The following PRR12 variants were observed in gnomAD, a reference collection of about 807,000 sequenced individuals.
The protein encoded by PRR12 is proline-rich protein 12.
Under a neutral mutation model 138.0 loss-of-function variants are expected in PRR12, and 12 were observed. The observed-to-expected ratio is 0.09, with a 90% CI of 0.06 to 0.14. The LOEUF (loss-of-function observed/expected upper bound fraction) is 0.14. Ranked by LOEUF, PRR12 falls within the 10% of genes least tolerant of loss-of-function variation. The pLI is 1.00. For synonymous variants in PRR12, 1,567 were observed against 1,291.7 expected (o/e 1.21, Z -4.57); for missense variants, 2,692 against 2,861.3 (o/e 0.94, Z 1.35).
In PRR12 at chr19:49,599,397, G is replaced by A. The variant is rs763778255; in HGVS notation, c.3804G>A (p.Lys1268=). The A allele has an allele frequency of 6.2e-7, 1 of 1,612,256 alleles. No homozygotes were observed. Among genetic ancestry groups the A allele is most frequent in the South Asian group, 1.1e-5 (1 of 90,828 alleles). The part of the protein sequence containing the change: ...LTREKIEAKI[K]EVEEKQPEMK... ...GGGAGAAGATCGAGGCCAAGATTAAGGAGGTGGAGGAGAAGCAGCCGGAGA... is the reference window on the plus strand; with the variant it reads ...GGGAGAAGATCGAGGCCAAGATTAAAGAGGTGGAGGAGAAGCAGCCGGAGA... The change falls in exon 5 of 14, where the codon AAG becomes AAA. Residue 1268 remains lysine (K), a synonymous_variant. Coordinates refer to ENST00000418929, the MANE Select transcript of PRR12 (RefSeq NM_020719.3). This position sits in a 1 kb window ranked among gnomAD's most constrained non-coding sequence, Gnocchi z 5.0.
chr19:49,614,817 G>A lies in PRR12; in HGVS notation c.4891-59G>A. Reference sequence around the variant, plus strand: ...CCATGGTGGCCCAGGGCACGGGGGTGTTGGCCATCTGGCTGGGCAGTGTGA... The same window carrying A: ...CCATGGTGGCCCAGGGCACGGGGGTATTGGCCATCTGGCTGGGCAGTGTGA... On this transcript the variant is annotated intron_variant, in intron 7 of 13. Coordinates refer to ENST00000418929, the MANE Select transcript of PRR12 (RefSeq NM_020719.3). This position sits in a 1 kb window ranked among gnomAD's most constrained non-coding sequence, Gnocchi z 5.0. 6.2e-7 allele frequency: 1 copy of A among 1,611,232 alleles called. No individual in the cohort carries two copies. Among genetic ancestry groups the A allele is most frequent in the East Asian group, 2.2e-5 (1 of 44,850 alleles).
intron 11 of PRR12, among the ~76,000 whole-genome samples, chr19:49,623,108 G>T (rs182622961): frequency 1.3e-5 from 2 of 151,958 alleles, no homozygotes; most frequent in African/African-American, 4.8e-5. Context: ...ATGTTATGCT[G>T]ACTCTGAAAA....
intron 4 of PRR12, 98 bp downstream of exon 4, chr19:49,598,111 T>A (rs2080787865): frequency 8.2e-7 from 1 of 1,225,476 alleles, no homozygotes; most frequent in Non-Finnish European, 1.0e-6. Flanking sequence ...TCTCGCTCTG[T>A]CGTCCAGGCT....
chr19:49,608,383 A>T (rs2080848979), intron 6 of PRR12, among the ~76,000 whole-genome samples: 1 of 151,902 alleles, frequency 6.6e-6, no homozygotes, highest in Non-Finnish European at 1.5e-5. Context: ...TCGCTCTGTC[A>T]CCAGGCTGGA....
In PRR12 at chr19:49,596,245, A is replaced by T; in HGVS notation, c.1910A>T (p.Glu637Val). The T allele has an allele frequency of 6.2e-7, 1 of 1,611,318 alleles. No individual in the cohort carries two copies. Among genetic ancestry groups the T allele is most frequent in the Non-Finnish European group, 8.5e-7 (1 of 1,179,652 alleles). ...GPGGPPAERT[E>V]DEEFLIQHLL... ...GGTGGGCCTCCTGCGGAGCGCACAG[A>T]GGATGAGGAGTTCCTTATCCAGCAC... The change falls in exon 4 of 14, where the codon GAG (glutamate) becomes GTG (valine). Residue 637 changes from glutamate (E) to valine (V), a missense_variant. This residue lies in a region of PRR12 where 840 missense variants were observed against 689.8 expected (regional missense o/e 1.22). Coordinates refer to ENST00000418929, the MANE Select transcript of PRR12 (RefSeq NM_020719.3). The surrounding 1 kb of genome is among the most constrained non-coding windows in gnomAD (Gnocchi z 5.6).
At chr19:49,606,068 A>G (rs1599793664) in intron 6 of PRR12, among the ~76,000 whole-genome samples, 1 of 151,998 alleles carries the variant, frequency 6.6e-6, no homozygotes, top group Non-Finnish European at 1.5e-5. Context: ...TGGCATGATC[A>G]TGGCTCACTG....
At position 49,616,770 on chromosome 19, in the gene PRR12, T is replaced by C. The variant is rs1258997183; in HGVS notation, c.5497+551T>C. Among the ~76,000 whole-genome samples, 2 of 152,152 alleles carry C rather than the reference T, an allele frequency of 1.3e-5. No individual in the cohort carries two copies. The highest frequency in any genetic ancestry group is 4.8e-5 in the African/African-American group (2 of 41,434). On this transcript the variant is annotated intron_variant, in intron 9 of 13. Transcript: ENST00000418929. The surrounding 1 kb of genome is among the most constrained non-coding windows in gnomAD (Gnocchi z 4.2). The stretch of plus-strand genomic sequence containing the variant: ...AAGCTCATAGGAGAGTGCCAATCTT[T>C]AGTAGACACTACCTGTCTACTCCAT...
intron 11 of PRR12, among the ~76,000 whole-genome samples, chr19:49,622,049 C>T (rs1034346725): frequency 1.3e-4 from 20 of 148,308 alleles, no homozygotes; most frequent in African/African-American, 5.0e-4. Flanking sequence ...CTCTGAAATC[C>T]AGTGTTAAAC....
Position 49,599,703 on chromosome 19 carries a change from G to A in PRR12, c.4110G>A (p.Leu1370=), listed in dbSNP as rs2080798725. 6 of 1,613,434 alleles carry A rather than the reference G, an allele frequency of 3.7e-6. No individual in the cohort carries two copies. The highest frequency in any genetic ancestry group is 5.1e-6 in the Non-Finnish European group (6 of 1,179,886). ...CCTGCAAGCGGCTTGATGAGGAGCT[G>A]AAGCGGAACCTCGAGACGCTGCCCT... ...PSPCKRLDEE[L]KRNLETLPSF... is the part of the protein sequence containing the mutation. Residue 1370 remains leucine (L), a synonymous_variant, in exon 5 of 14, where the codon CTG becomes CTA. Coordinates refer to ENST00000418929, the MANE Select transcript of PRR12 (RefSeq NM_020719.3). This position sits in a 1 kb window ranked among gnomAD's most constrained non-coding sequence, Gnocchi z 5.0.
chr19:49,594,048 C>G lies in PRR12; in HGVS notation c.200-406C>G, dbSNP rs1310388256. Among the ~76,000 whole-genome samples, 1 of 152,074 alleles carries G rather than the reference C, an allele frequency of 6.6e-6. No individual in the cohort carries two copies. Among genetic ancestry groups the G allele is most frequent in the African/African-American group, 2.4e-5 (1 of 41,402 alleles). ...CCACTTAGCTCAATCCTTTCTGACA[C>G]GTTCTCTGGTCTTTCTTAGACTTCA... On this transcript the variant is annotated intron_variant, in intron 2 of 13. Transcript: ENST00000418929. This position sits in a 1 kb window ranked among gnomAD's most constrained non-coding sequence, Gnocchi z 5.6.
intron 4 of PRR12, among the ~76,000 whole-genome samples, chr19:49,598,562 G>A (rs2080791367): frequency 6.6e-6 from 1 of 152,166 alleles, no homozygotes; most frequent in Non-Finnish European, 1.5e-5. Flanking sequence ...GTTCATGCCT[G>A]TAATCCCAGC....
chr19:49,592,039 A>T (rs1338113613), intron 1 of PRR12, among the ~76,000 whole-genome samples: 1 of 152,088 alleles, frequency 6.6e-6, no homozygotes, highest in East Asian at 1.9e-4. Flanking sequence ...CAAGGCCTGG[A>T]CTTCCCCCCA....
In PRR12 at chr19:49,616,046, A is replaced by G. The variant is rs1033783320; in HGVS notation, c.5324A>G (p.Gln1775Arg). 2 of 1,559,770 alleles carry G rather than the reference A, an allele frequency of 1.3e-6. No individual in the cohort carries two copies. Among genetic ancestry groups the G allele is most frequent in the African/African-American group, 2.7e-5 (2 of 73,292 alleles). Residue 1775 changes from glutamine to arginine, a missense_variant, in exon 9 of 14, where the codon CAA (glutamine) becomes CGA (arginine). Transcript: ENST00000418929. The surrounding 1 kb of genome is among the most constrained non-coding windows in gnomAD (Gnocchi z 4.2). Reference protein sequence around the residue: ...TRPERSLATGQPATSRLPKAR... With the variant: ...TRPERSLATGRPATSRLPKAR... ...CCAGAGCGGAGTCTCGCCACGGGAC[A>G]ACCTGCCACATCCCGGCTGCCCAAA... is the stretch of plus-strand genomic sequence containing the variant.
At chr19:49,623,004 G>C (rs1215452377) in intron 11 of PRR12, among the ~76,000 whole-genome samples, 1 of 150,498 alleles carries the variant, frequency 6.6e-6, no homozygotes, top group Non-Finnish European at 1.5e-5. Context: ...TTTTGAGTGA[G>C]ATAGTAGTTT....
In PRR12 at chr19:49,595,723, G is replaced by A; in HGVS notation, c.1388G>A (p.Gly463Glu). ...GPQAYGQGFG[G>E]GQAQDLSKAP... Reference sequence around the variant, plus strand: ...CAGGCCTACGGGCAAGGGTTTGGAGGGGGGCAGGCACAGGACTTGAGCAAA... The same window carrying A: ...CAGGCCTACGGGCAAGGGTTTGGAGAGGGGCAGGCACAGGACTTGAGCAAA... The change falls in exon 4 of 14, where the codon GGG (glycine) becomes GAG (glutamate). Residue 463 changes from glycine to glutamate, a missense_variant. This residue lies in a region of PRR12 where 523 missense variants were observed against 496.4 expected (regional missense o/e 1.05). Transcript: ENST00000418929. 1 of 1,592,022 alleles carries A rather than the reference G, an allele frequency of 6.3e-7. No individual in the cohort carries two copies. Among genetic ancestry groups the A allele is most frequent in the Non-Finnish European group, 8.6e-7 (1 of 1,169,576 alleles).
In PRR12 at chr19:49,595,667, C is replaced by T; in HGVS notation, c.1332C>T (p.Ser444=). The change falls in exon 4 of 14, where the codon TCC becomes TCT. Residue 444 remains serine (S), a synonymous_variant. Coordinates refer to ENST00000418929, the MANE Select transcript of PRR12 (RefSeq NM_020719.3). ...GAGGGGCAGGGGGCCAGGCTTATTCCCCCGGTCAGCCTCAAGGGCTTCTGG... is the reference window on the plus strand; with the variant it reads ...GAGGGGCAGGGGGCCAGGCTTATTCTCCCGGTCAGCCTCAAGGGCTTCTGG... ...GAGGAGGQAY[S]PGQPQGLLGP... 2 of 1,599,070 alleles carry T rather than the reference C, an allele frequency of 1.3e-6. No individual in the cohort carries two copies. The highest frequency in any genetic ancestry group is 2.2e-5 in the East Asian group (1 of 44,764).
rs888740142 is a variant in PRR12, at chr19:49,619,651, C to T, written c.5498-701C>T. ...CCGCCTCCCAGGTTCAAGGGATTCTCCTGCCTCAGCCTCCCGAGTGGCTGG... is the reference window on the plus strand; with the variant it reads ...CCGCCTCCCAGGTTCAAGGGATTCTTCTGCCTCAGCCTCCCGAGTGGCTGG... On this transcript the variant is annotated intron_variant, in intron 9 of 13. Coordinates refer to ENST00000418929, the MANE Select transcript of PRR12 (RefSeq NM_020719.3). Among the ~76,000 whole-genome samples, 6 of 148,178 alleles carry T rather than the reference C, an allele frequency of 4.0e-5. No individual in the cohort carries two copies. In the East Asian group the frequency reaches 8.0e-4, roughly 20 times the overall value.
intron 5 of PRR12, 77 bp downstream of exon 5, chr19:49,600,015 G>A (rs1035485982): frequency 1.1e-5 from 16 of 1,396,076 alleles, no homozygotes; most frequent in East Asian, 9.9e-5. Flanking sequence ...TGCAGGTTAC[G>A]CACTGTTTAA....
chr19:49,609,120 C>T (rs2080852976), intron 6 of PRR12, among the ~76,000 whole-genome samples: 2 of 152,022 alleles, frequency 1.3e-5, no homozygotes, highest in South Asian at 4.1e-4. Context: ...TCAACACCAG[C>T]CTAGTCAACA....
Sources: allele counts gnomAD v4.1 joint callset (sites outside exome capture counted in the v4.1 genomes callset), GRCh38; gene constraint gnomAD v4.1.1; regional missense constraint gnomAD v4.1.1; non-coding constraint Gnocchi (gnomAD v3.1); transcripts MANE v1.5; gene names NCBI Gene and HGNC (gene_info 2026-07-23, HGNC 2026-07-21).